Variants in PRKG1 observed in about 807,000 individuals in gnomAD.
The protein encoded by PRKG1 is protein kinase cGMP-dependent 1, also known as cGMP-dependent protein kinase 1.
PRKG1 carries 35 observed loss-of-function variants against 88.1 expected under a neutral mutation model. The ratio of observed to expected loss-of-function variants is 0.40; its 90% confidence interval spans 0.30 to 0.53. The LOEUF (loss-of-function observed/expected upper bound fraction) is 0.53. Among genes scored for constraint, PRKG1 ranks in the 20% least tolerant of loss-of-function variants. The probability of loss-of-function intolerance (pLI) is 0.59; values close to 1 mark genes in which losing one functional copy is unlikely to be tolerated. For synonymous variants in PRKG1, 303 were observed against 292.5 expected (o/e 1.04, Z -0.37); for missense variants, 540 against 839.8 (o/e 0.64, Z 4.41).
At chr10:52,266,011 G>C (rs201642373) in intron 10 of PRKG1, among the ~76,000 whole-genome samples, 2 of 152,022 alleles carry the variant, frequency 1.3e-5, no homozygotes, top group East Asian at 3.9e-4. Context: ...AATTTTGAGA[G>C]TAAAACCAGT....
At chr10:51,352,502 A>G (rs538449486) in intron 2 of PRKG1, among the ~76,000 whole-genome samples, 9 of 152,288 alleles carry the variant, frequency 5.9e-5, no homozygotes, top group Admixed American at 3.9e-4. Context: ...AATAGCCACA[A>G]GTAAAATTAA....
intron 3 of PRKG1, among the ~76,000 whole-genome samples, chr10:51,554,882 C>G (rs1166447653): frequency 6.6e-6 from 1 of 151,578 alleles, no homozygotes; most frequent in Non-Finnish European, 1.5e-5. Flanking sequence ...TAATATAAGG[C>G]TAGAGATTCT....
At chr10:52,034,535 T>A (rs1288275935) in intron 5 of PRKG1, among the ~76,000 whole-genome samples, 1 of 151,832 alleles carries the variant, frequency 6.6e-6, no homozygotes, top group Non-Finnish European at 1.5e-5. Flanking sequence ...GTCTAAGAAT[T>A]GGGACGACTC....
chr10:52,057,870 A>G (rs2133260695), intron 6 of PRKG1, among the ~76,000 whole-genome samples: 1 of 152,128 alleles, frequency 6.6e-6, no homozygotes, highest in South Asian at 2.1e-4. Context: ...TTATGGTGAA[A>G]CCTCTGAGAA....
At chr10:51,288,876 T>C (rs1237696729) in intron 2 of PRKG1, among the ~76,000 whole-genome samples, 1 of 152,178 alleles carries the variant, frequency 6.6e-6, no homozygotes, top group African/African-American at 2.4e-5. Flanking sequence ...TTTTTTTACT[T>C]CAGCACTAAT....
At chr10:51,010,377 G>A (rs1438473798) in intron 1 of PRKG1, among the ~76,000 whole-genome samples, 1 of 152,224 alleles carries the variant, frequency 6.6e-6, no homozygotes, top group Non-Finnish European at 1.5e-5. Context: ...ATGGGCAAGA[G>A]TAGTGATTTA....
chr10:51,286,677 G>T (rs945614018), intron 2 of PRKG1, among the ~76,000 whole-genome samples: 1 of 152,196 alleles, frequency 6.6e-6, no homozygotes, highest in Non-Finnish European at 1.5e-5. Flanking sequence ...TCAAACATTT[G>T]TCATTTCTTT....
chr10:51,325,758 C>A (rs1313782974), intron 2 of PRKG1, among the ~76,000 whole-genome samples: 1 of 152,120 alleles, frequency 6.6e-6, no homozygotes, highest in African/African-American at 2.4e-5. Flanking sequence ...CCTGACTGTG[C>A]AGGGACTTGC....
chr10:51,034,069 C>T (rs1843321336), intron 1 of PRKG1, among the ~76,000 whole-genome samples: 1 of 152,244 alleles, frequency 6.6e-6, no homozygotes, highest in East Asian at 1.9e-4. Flanking sequence ...AAAAGAGATA[C>T]AATTATTAAT....
At chr10:51,776,915 A>T (rs1238533567) in intron 3 of PRKG1, among the ~76,000 whole-genome samples, 1 of 152,196 alleles carries the variant, frequency 6.6e-6, no homozygotes, top group Admixed American at 6.6e-5. Context: ...GATGTTTGGA[A>T]ATCCTATGCC....
intron 4 of PRKG1, among the ~76,000 whole-genome samples, chr10:51,901,187 CT>C (rs2132932887): frequency 6.6e-6 from 1 of 152,312 alleles, no homozygotes; most frequent in East Asian, 1.9e-4. Flanking sequence ...TCAAGTCCAT[CT>C]TTTAAAAAGT....
chr10:52,288,036 G>A (rs917960305), intron 14 of PRKG1, among the ~76,000 whole-genome samples: 1 of 152,094 alleles, frequency 6.6e-6, no homozygotes, highest in African/African-American at 2.4e-5. Flanking sequence ...AAGTGTAACA[G>A]GGACTCTAAT....
chr10:51,278,491 C>T (rs951045277), intron 2 of PRKG1, among the ~76,000 whole-genome samples: 1 of 152,140 alleles, frequency 6.6e-6, no homozygotes, highest in African/African-American at 2.4e-5. Context: ...GGAGGATTCC[C>T]TCTTTTTCTA....
At chr10:52,225,938 T>A (rs1179398758) in intron 9 of PRKG1, among the ~76,000 whole-genome samples, 2 of 152,062 alleles carry the variant, frequency 1.3e-5, no homozygotes, top group Non-Finnish European at 2.9e-5. Context: ...TCTTGCCTAA[T>A]TTTTCTCCAC....
chr10:51,762,779 A>C (rs1168161048), intron 3 of PRKG1, among the ~76,000 whole-genome samples: 2 of 152,196 alleles, frequency 1.3e-5, no homozygotes, highest in Non-Finnish European at 2.9e-5. Context: ...GAACATTTTT[A>C]ATATCTGCCA....
intron 3 of PRKG1, among the ~76,000 whole-genome samples, chr10:51,677,827 C>G (rs572494871): frequency 6.6e-6 from 1 of 152,176 alleles, no homozygotes; most frequent in Admixed American, 6.5e-5. Context: ...TTTAACAAAT[C>G]CCTGGTTTGC....
At chr10:52,080,641 T>A (rs1202444023) in intron 7 of PRKG1, among the ~76,000 whole-genome samples, 2 of 152,194 alleles carry the variant, frequency 1.3e-5, no homozygotes, top group Admixed American at 6.5e-5. Flanking sequence ...TCCCACTGAG[T>A]TGATTACTAT....
chr10:51,935,086 T>C (rs914771893), intron 5 of PRKG1, among the ~76,000 whole-genome samples: 1 of 152,070 alleles, frequency 6.6e-6, no homozygotes, highest in Non-Finnish European at 1.5e-5. Context: ...AACTACCTCT[T>C]CCTGCCCATG....
At chr10:51,338,199 C>T (rs1232143342) in intron 2 of PRKG1, among the ~76,000 whole-genome samples, 22 of 152,120 alleles carry the variant, frequency 1.4e-4, no homozygotes. Flanking sequence ...ACAACACACA[C>T]TGGGGCCTGT....
Sources: allele counts gnomAD v4.1 joint callset (sites outside exome capture counted in the v4.1 genomes callset), GRCh38; gene constraint gnomAD v4.1.1; transcripts MANE v1.5; gene names NCBI Gene and HGNC (gene_info 2026-07-23, HGNC 2026-07-21).